NBEA: variants seen among roughly 807,000 people sequenced by gnomAD.
NBEA encodes the protein lysosomal-trafficking regulator 2.
NBEA carries 44 observed loss-of-function variants against 343.4 expected under a neutral mutation model. The observed-to-expected ratio is 0.13, with a 90% confidence interval of 0.10 to 0.16. The LOEUF (loss-of-function observed/expected upper bound fraction) is 0.16. NBEA is among the 10% of genes least tolerant of loss of function. The pLI, the probability that NBEA is intolerant of heterozygous loss-of-function variation, is 1.00. For missense variants in NBEA, 2,555 were observed against 3,631.3 expected (o/e 0.70, Z 7.62); for synonymous variants, 1,175 against 1,238.7 (o/e 0.95, Z 1.08).
chr13:35,480,650 T>C (rs1410216076), intron 41 of NBEA, among the ~76,000 whole-genome samples: 1 of 152,090 alleles, frequency 6.6e-6, no homozygotes, highest in Non-Finnish European at 1.5e-5. Flanking sequence ...AGGCTCATTG[T>C]AGCCATCTGA....
intron 46 of NBEA, among the ~76,000 whole-genome samples, chr13:35,585,163 C>A (rs183467308): frequency 3.7e-3 from 380 of 104,024 alleles, no homozygotes; most frequent in Non-Finnish European, 5.5e-3. Context: ...AGCCTCCGCC[C>A]ACTCTGAAGT....
At chr13:35,142,509 A>G (rs1226847283) in intron 18 of NBEA, 132 bp downstream of exon 18, 8 of 493,272 alleles carry the variant, frequency 1.6e-5, no homozygotes, top group Non-Finnish European at 2.8e-5. Context: ...TTAATGGTAA[A>G]AAATGAATAT....
chr13:35,100,948 C>T (rs2065616267), intron 11 of NBEA, among the ~76,000 whole-genome samples: 1 of 151,934 alleles, frequency 6.6e-6, no homozygotes, highest in African/African-American at 2.4e-5. Flanking sequence ...TAAGTGAGAT[C>T]ATACAATATT....
intron 48 of NBEA, among the ~76,000 whole-genome samples, chr13:35,619,082 C>T (rs2082864137): frequency 6.7e-6 from 1 of 149,846 alleles, no homozygotes; most frequent in African/African-American, 2.5e-5. Context: ...AGATTATACC[C>T]CAAATGCAAA....
At position 35,337,225 on chromosome 13, in the gene NBEA, G is replaced by A. The variant is rs796237488; in HGVS notation, c.5904-11883G>A. ...TCCAATTAAAACACTGAGAATTGAA[G>A]AATGGATTTTATAAAAAGGATTCAA... On this transcript the variant is annotated intron_variant, in intron 36 of 58. Transcript: ENST00000379939. 4.3e-4 allele frequency among the ~76,000 whole-genome samples: 66 copies of A among 152,132 alleles called. 1 individual carries two copies. The highest frequency in any genetic ancestry group is 1.5e-3 in the African/African-American group (63 of 41,542).
intron 41 of NBEA, among the ~76,000 whole-genome samples, chr13:35,483,943 T>A (rs2076212598): frequency 6.6e-6 from 1 of 152,070 alleles, no homozygotes; most frequent in African/African-American, 2.4e-5. Context: ...TCCGTATTCA[T>A]CTGTTAAAAG....
At chr13:35,014,382 G>A (rs1037932900) in intron 1 of NBEA, among the ~76,000 whole-genome samples, 3 of 151,928 alleles carry the variant, frequency 2.0e-5, no homozygotes, top group African/African-American at 7.3e-5. Context: ...AATTCATTAT[G>A]TACTCTGATG....
intron 34 of NBEA, among the ~76,000 whole-genome samples, chr13:35,288,756 A>G (rs1360181670): frequency 6.6e-6 from 1 of 151,996 alleles, no homozygotes; most frequent in Non-Finnish European, 1.5e-5. Flanking sequence ...AATTCTTTAT[A>G]TCAAAGCCTT....
intron 36 of NBEA, among the ~76,000 whole-genome samples, chr13:35,325,764 C>G (rs537266357): frequency 1.5e-3 from 225 of 152,064 alleles, no homozygotes; most frequent in South Asian, 2.9e-3. Context: ...TGTGTTTTCT[C>G]CTAGGATTCT....
chr13:35,653,940 T>G (rs2084682360), intron 53 of NBEA, among the ~76,000 whole-genome samples: 1 of 152,240 alleles, frequency 6.6e-6, no homozygotes, highest in African/African-American at 2.4e-5. Flanking sequence ...CCTTACTGAC[T>G]TTTGTGTATA....
intron 1 of NBEA, among the ~76,000 whole-genome samples, chr13:34,998,181 C>A (rs1327768863): frequency 6.6e-6 from 1 of 151,968 alleles, no homozygotes; most frequent in Non-Finnish European, 1.5e-5. Context: ...ACAAAACCAG[C>A]AAGTTTTTAG....
intron 36 of NBEA, among the ~76,000 whole-genome samples, chr13:35,318,335 C>A (rs1374979069): frequency 6.6e-6 from 1 of 151,986 alleles, no homozygotes; most frequent in Non-Finnish European, 1.5e-5. Context: ...TATCAAAGGT[C>A]TTTTTGACAT....
chr13:35,309,774 G>GA (rs2037230297), intron 36 of NBEA, among the ~76,000 whole-genome samples, 182 bp downstream of exon 36: 2 of 152,022 alleles, frequency 1.3e-5, no homozygotes, highest in Admixed American at 6.6e-5. Context: ...TATTTTTGAA[G>GA]AAAAAGCCGT....
At chr13:35,024,260 T>C (rs765176081) in intron 1 of NBEA, among the ~76,000 whole-genome samples, 1 of 152,174 alleles carries the variant, frequency 6.6e-6, no homozygotes, top group Non-Finnish European at 1.5e-5. Flanking sequence ...ACTGCATTGA[T>C]TGCATGCCTT....
intron 17 of NBEA, among the ~76,000 whole-genome samples, chr13:35,136,856 C>A (rs1286139261): frequency 6.6e-6 from 1 of 152,136 alleles, no homozygotes; most frequent in Non-Finnish European, 1.5e-5. Context: ...AAAGAAAAAC[C>A]ACAAATGGTA....
At chr13:35,130,165 A>G (rs1190784291) in intron 17 of NBEA, among the ~76,000 whole-genome samples, 1 of 152,128 alleles carries the variant, frequency 6.6e-6, no homozygotes, top group Non-Finnish European at 1.5e-5. Flanking sequence ...ATGTAGGGGT[A>G]GGGACATATG....
intron 39 of NBEA, among the ~76,000 whole-genome samples, chr13:35,439,127 C>G (rs548366727): frequency 1.3e-5 from 2 of 152,294 alleles, no homozygotes; most frequent in African/African-American, 4.8e-5. Context: ...TAGGAGTGCA[C>G]TGCTGGCATC....
At chr13:35,296,700 G>A (rs2036155880) in intron 35 of NBEA, among the ~76,000 whole-genome samples, 1 of 151,534 alleles carries the variant, frequency 6.6e-6, no homozygotes, top group African/African-American at 2.4e-5. Context: ...CATTGTATAA[G>A]TTTTTCAGAC....
chr13:35,186,469 C>T (rs2071713973), intron 30 of NBEA: 1 of 152,124 alleles, frequency 6.6e-6, no homozygotes, highest in Admixed American at 6.6e-5. Context: ...GAATCCATTT[C>T]TGTCATTGAA....
Sources: gnomAD v4.1 joint callset for allele counts (sites outside exome capture counted in the v4.1 genomes callset) on GRCh38, gnomAD v4.1.1 for gene constraint, MANE v1.5 for transcripts, NCBI Gene and HGNC (gene_info 2026-07-23, HGNC 2026-07-21) for gene names.